The following EPB41L3 variants were observed in gnomAD, a reference collection of about 807,000 sequenced individuals.
The protein encoded by EPB41L3 is band 4.1-like protein 3.
A neutral mutation model predicts 127.1 loss-of-function variants in EPB41L3; 57 were observed. The ratio of observed to expected loss-of-function variants is 0.45; its 90% CI spans 0.36 to 0.56. EPB41L3 has a LOEUF of 0.56. EPB41L3 is among the 20% of genes least tolerant of loss of function. The pLI is 0.00. For missense variants in EPB41L3, 1,273 were observed against 1,372.2 expected, an observed-to-expected ratio of 0.93 and a Z score of 1.14; for synonymous variants, 572 against 549.5, an observed-to-expected ratio of 1.04 and a Z score of -0.57.
Position 5,423,567 on chromosome 18 carries a change from AG to A in EPB41L3, c.1164-15del. 2 of 1,588,122 alleles carry A rather than the reference AG, an allele frequency of 1.3e-6. No homozygotes were observed. Among genetic ancestry groups the A allele is most frequent in the Non-Finnish European group, 1.7e-6 (2 of 1,162,932 alleles). On this transcript the variant is annotated splice_polypyrimidine_tract_variant and intron_variant, in intron 10 of 22. Coordinates refer to ENST00000341928, the MANE Select transcript of EPB41L3 (RefSeq NM_012307.5). ...GGTAACAGTAGTCTAAAGAGAATAA[AG>A]AAAAACAGCAGAAAGACTATTAAGT...
In EPB41L3 at chr18:5,397,244, T is replaced by C; in HGVS notation, c.2655A>G (p.Ala885=). The C allele has an allele frequency of 6.2e-7, 1 of 1,614,196 alleles. No individual in the cohort carries two copies. Among genetic ancestry groups the C allele is most frequent in the Non-Finnish European group, 8.5e-7 (1 of 1,180,038 alleles). ...GDSGDAAAQP[A]FTGIKGKEGS... ...CCTCTTTCCCTTTAATGCCTGTGAA[T>C]GCGGGCTGTGCTGCAGCATCCCCGC... Residue 885 remains alanine, a synonymous_variant, in exon 18 of 23, where the codon GCA becomes GCG. Coordinates refer to ENST00000341928, the MANE Select transcript of EPB41L3 (RefSeq NM_012307.5). The surrounding 1 kb of genome is among the most constrained non-coding windows in gnomAD (Gnocchi z 4.1).
rs76686340 is a variant in EPB41L3 at position 5,589,135 on chromosome 18, A to G, written c.-306+23205T>C. Among the ~76,000 whole-genome samples the G allele has an allele frequency of 5.0e-3, 754 of 152,268 alleles. 7 individuals carry two copies. Among genetic ancestry groups the G allele is most frequent in the African/African-American group, 0.017 (717 of 41,566 alleles). On this transcript the variant is annotated intron_variant, in intron 3 of 21. Transcript: ENST00000545076. ...TAAAGACATAAAAAGAGTTTACCGT[A>G]ATTTCCTCTTTCCATTGAGGAGAAT...
At chr18:5,616,560 A>T (rs1156330531) in intron 1 of EPB41L3, among the ~76,000 whole-genome samples, 1 of 152,242 alleles carries the variant, frequency 6.6e-6, no homozygotes, top group Non-Finnish European at 1.5e-5. Flanking sequence ...ACAACTGCTT[A>T]AAATACATAT....
intron 2 of EPB41L3, among the ~76,000 whole-genome samples, chr18:5,479,148 G>A (rs78785464): frequency 6.6e-6 from 1 of 152,194 alleles, no homozygotes; most frequent in East Asian, 1.9e-4. Context: ...TTAAGTAACA[G>A]TAACATTCTC....
At chr18:5,519,208 T>G (rs2092883524) in intron 1 of EPB41L3, among the ~76,000 whole-genome samples, 1 of 152,224 alleles carries the variant, frequency 6.6e-6, no homozygotes, top group Admixed American at 6.5e-5. Context: ...AAAACTGTCC[T>G]TGTTGCCGGG....
chr18:5,537,661 A>T (rs1177065832), intron 1 of EPB41L3, among the ~76,000 whole-genome samples: 1 of 152,118 alleles, frequency 6.6e-6, no homozygotes, highest in Non-Finnish European at 1.5e-5. Context: ...CTCCCTACTT[A>T]GATGCACCTC....
At chr18:5,457,473 T>C (rs73937136) in intron 3 of EPB41L3, among the ~76,000 whole-genome samples, 2,593 of 151,838 alleles carry the variant, frequency 0.017, 92 homozygotes, top group African/African-American at 0.06. Flanking sequence ...GGCAGTGAAG[T>C]GAAAATTTAG....
At chr18:5,414,813 G>A (rs949156025) in intron 13 of EPB41L3, among the ~76,000 whole-genome samples, 4 of 152,172 alleles carry the variant, frequency 2.6e-5, no homozygotes, top group African/African-American at 9.7e-5. Flanking sequence ...GTGTGGCAGT[G>A]GGAAAGGAGA....
chr18:5,477,259 C>T (rs1420261826), intron 3 of EPB41L3, among the ~76,000 whole-genome samples: 5 of 152,132 alleles, frequency 3.3e-5, no homozygotes, highest in Non-Finnish European at 2.9e-5. Context: ...TCATGAGGGA[C>T]GAGGAAGAGA....
chr18:5,442,612 T>G (rs1053119608), intron 5 of EPB41L3, among the ~76,000 whole-genome samples: 1 of 152,182 alleles, frequency 6.6e-6, no homozygotes, highest in African/African-American at 2.4e-5. Flanking sequence ...CTTATTGAAA[T>G]GGGAATGATG....
chr18:5,481,253 A>C (rs1237811544), intron 2 of EPB41L3, among the ~76,000 whole-genome samples: 2 of 152,230 alleles, frequency 1.3e-5, no homozygotes, highest in African/African-American at 4.8e-5. Flanking sequence ...ATCCCTCCAC[A>C]GAAAACCTAA....
Position 5,561,078 on chromosome 18 carries a change from C to A in EPB41L3, c.-306+51262G>T, listed in dbSNP as rs201219484. 5.4e-5 allele frequency among the ~76,000 whole-genome samples: 8 copies of A among 147,354 alleles called. 1 individual carries two copies. Among genetic ancestry groups the A allele is most frequent in the African/African-American group, 1.5e-4 (6 of 40,048 alleles). Reference sequence around the variant, plus strand: ...CTGCAAGCTCCGCCTCCCAGGTTCACGCCATTCTCCTGCCTCAGCCTCCCG... The same window carrying A: ...CTGCAAGCTCCGCCTCCCAGGTTCAAGCCATTCTCCTGCCTCAGCCTCCCG... On this transcript the variant is annotated intron_variant, in intron 3 of 21. Coordinates refer to the EPB41L3 transcript ENST00000545076.
intron 3 of EPB41L3, among the ~76,000 whole-genome samples, chr18:5,469,232 C>T (rs1435411461): frequency 6.6e-6 from 1 of 152,218 alleles, no homozygotes; most frequent in African/African-American, 2.4e-5. Flanking sequence ...GAGCCCAGAC[C>T]TAGAGCCTCC....
At chr18:5,567,712 T>C (rs1240370574) in intron 3 of EPB41L3, among the ~76,000 whole-genome samples, 2 of 152,182 alleles carry the variant, frequency 1.3e-5, no homozygotes, top group Admixed American at 6.5e-5. Flanking sequence ...GTAATATTTA[T>C]CAACAGATAC....
At chr18:5,440,633 A>G (rs901537204) in intron 5 of EPB41L3, among the ~76,000 whole-genome samples, 3 of 152,250 alleles carry the variant, frequency 2.0e-5, no homozygotes, top group African/African-American at 7.2e-5. Context: ...AGAAAATTAT[A>G]ACACTGATGA....
intron 3 of EPB41L3, among the ~76,000 whole-genome samples, chr18:5,551,419 A>AT (rs1270563716): frequency 6.6e-6 from 1 of 151,720 alleles, no homozygotes; most frequent in African/African-American, 2.4e-5. Flanking sequence ...ACGTGGGGGG[A>AT]TTTTTTAAAA....
chr18:5,545,692 A>G (rs2093866509), upstream of EPB41L3, among the ~76,000 whole-genome samples: 1 of 152,150 alleles, frequency 6.6e-6, no homozygotes, highest in African/African-American at 2.4e-5. Flanking sequence ...TGTTCGGAGG[A>G]GACTATGGTA....
At chr18:5,462,148 C>A (rs868120101) in intron 3 of EPB41L3, among the ~76,000 whole-genome samples, 1 of 152,098 alleles carries the variant, frequency 6.6e-6, no homozygotes. Context: ...ATAATGGTAC[C>A]TTAAAAATCA....
chr18:5,619,116 G>A (rs1298098638), intron 1 of EPB41L3, among the ~76,000 whole-genome samples: 2 of 152,114 alleles, frequency 1.3e-5, no homozygotes, highest in Non-Finnish European at 2.9e-5. Context: ...TATAATACAA[G>A]GACAACTCCA....
Sources: gnomAD v4.1 joint callset for allele counts (sites outside exome capture counted in the v4.1 genomes callset) on GRCh38, gnomAD v4.1.1 for gene constraint, Gnocchi (gnomAD v3.1) non-coding constraint, MANE v1.5 for transcripts, NCBI Gene and HGNC (gene_info 2026-07-23, HGNC 2026-07-21) for gene names.